Variants in CLASP1 observed in about 807,000 individuals in gnomAD.
CLASP1 encodes cytoplasmic linker associated protein 1.
Under a neutral mutation model 192.3 loss-of-function variants are expected in CLASP1, and 38 were observed. The ratio of observed to expected loss-of-function variants is 0.20; its 90% CI spans 0.15 to 0.26. The LOEUF (loss-of-function observed/expected upper bound fraction) is 0.26. Ranked by LOEUF, CLASP1 falls within the 10% of genes least tolerant of loss-of-function variation. The pLI is 1.00. For missense variants in CLASP1, 1,433 were observed against 1,932.5 expected, an observed-to-expected ratio of 0.74 and a Z score of 4.85; for synonymous variants, 691 against 712.8, an observed-to-expected ratio of 0.97 and a Z score of 0.49.
chr2:121,600,934 GCACGCAAAGT>G (rs1231906527), intron 2 of CLASP1, among the ~76,000 whole-genome samples: 1 of 152,172 alleles, frequency 6.6e-6, no homozygotes, highest in Non-Finnish European at 1.5e-5. Flanking sequence ...GCTGGGATGG[GCACGCAAAGT>G]CACTCTAGCA....
At chr2:121,401,401 GA>G in intron 28 of CLASP1, 107 bp downstream of exon 29, 1 of 785,440 alleles carries the variant, frequency 1.3e-6, no homozygotes, top group East Asian at 2.5e-5. Context: ...CTGAGTAAAA[GA>G]GATATTCAAG....
intron 2 of CLASP1, among the ~76,000 whole-genome samples, chr2:121,532,860 A>G (rs2094932492): frequency 6.6e-6 from 1 of 152,220 alleles, no homozygotes; most frequent in African/African-American, 2.4e-5. Context: ...AGATATTTGT[A>G]ATTTTTCTGT....
exon 3 of CLASP1, chr2:121,530,316 G>C (rs1332589999): frequency 1.3e-6 from 2 of 1,550,612 alleles, no homozygotes; most frequent in Non-Finnish European, 1.7e-6. Flanking sequence ...TCCATGCCCA[G>C]CAGAACCACC....
chr2:121,478,965 A>C (rs1575285864), intron 8 of CLASP1, among the ~76,000 whole-genome samples: 1 of 38,626 alleles, frequency 2.6e-5, no homozygotes, highest in Non-Finnish European at 5.0e-5. Context: ...CACACACACC[A>C]CACACACCAC....
At chr2:121,430,111 C>T (rs750384484) in exon 20 of CLASP1, 2 of 1,576,584 alleles carry the variant, frequency 1.3e-6, no homozygotes, top group Non-Finnish European at 1.7e-6. Context: ...ACTGCGGCCC[C>T]GGTTATCAGG....
In CLASP1 at chr2:121,451,196, C is replaced by T. The variant is rs536413947; in HGVS notation, c.1446-206G>A. ...CAATCCTGCCCCAACACCCTAGCGCCACTCCAACCTACCCACGCCTAAGGA... is the reference window on the plus strand; with the variant it reads ...CAATCCTGCCCCAACACCCTAGCGCTACTCCAACCTACCCACGCCTAAGGA... On this transcript the variant is annotated intron_variant, in intron 15 of 39. Transcript: ENST00000263710. Among the ~76,000 whole-genome samples, 3 of 152,340 alleles carry T rather than the reference C, an allele frequency of 2.0e-5. No individual in the cohort carries two copies. The East Asian group carries it at 5.8e-4, about 29-fold the overall frequency.
chr2:121,566,061 C>A (rs1388603048), intron 2 of CLASP1, among the ~76,000 whole-genome samples: 1 of 152,138 alleles, frequency 6.6e-6, no homozygotes, highest in African/African-American at 2.4e-5. Flanking sequence ...TATTAATGGA[C>A]CTCCAGCACC....
chr2:121,503,658 T>C (rs1317191010), intron 7 of CLASP1, among the ~76,000 whole-genome samples: 2 of 152,210 alleles, frequency 1.3e-5, no homozygotes, highest in African/African-American at 2.4e-5. Flanking sequence ...AATGCACTAA[T>C]AGTACGTTAC....
chr2:121,569,226 T>G (rs911732533), intron 2 of CLASP1, among the ~76,000 whole-genome samples: 4 of 152,172 alleles, frequency 2.6e-5, no homozygotes, highest in African/African-American at 9.7e-5. Context: ...GTAGAGACTA[T>G]TTTAGCTAGG....
intron 37 of CLASP1, among the ~76,000 whole-genome samples, chr2:121,349,432 A>G (rs2063950447): frequency 6.6e-6 from 1 of 152,144 alleles, no homozygotes; most frequent in Non-Finnish European, 1.5e-5. Context: ...GGTGATTTCT[A>G]GACACACTAA....
chr2:121,538,358 C>T (rs2095145727), intron 2 of CLASP1, among the ~76,000 whole-genome samples: 1 of 151,672 alleles, frequency 6.6e-6, no homozygotes, highest in Admixed American at 6.6e-5. Context: ...GTTGCAGTGA[C>T]CCAAGATTGC....
At chr2:121,618,813 T>C (rs1366431274) in intron 1 of CLASP1, among the ~76,000 whole-genome samples, 1 of 152,178 alleles carries the variant, frequency 6.6e-6, no homozygotes, top group Non-Finnish European at 1.5e-5. Context: ...TCGAAAAGCC[T>C]GTAAAATACC....
At chr2:121,470,633 C>T (rs914466905) in intron 8 of CLASP1, 10 of 450,626 alleles carry the variant, frequency 2.2e-5, no homozygotes, top group African/African-American at 4.0e-5. Flanking sequence ...TGCAATATTG[C>T]CAATACTTTC....
At chr2:121,345,291 G>A (rs991386048) in intron 39 of CLASP1, among the ~76,000 whole-genome samples, 1 of 152,206 alleles carries the variant, frequency 6.6e-6, no homozygotes, top group African/African-American at 2.4e-5. Flanking sequence ...AGGAATGTGG[G>A]TTCTGGACCC....
intron 2 of CLASP1, among the ~76,000 whole-genome samples, chr2:121,594,638 G>A (rs530311428): frequency 5.1e-4 from 78 of 152,128 alleles, no homozygotes; most frequent in Middle Eastern, 3.4e-3. Flanking sequence ...TGATCTGCCC[G>A]CCTTGGCCTC....
In CLASP1 at chr2:121,626,824, A is replaced by G. The variant is rs138959543; in HGVS notation, c.-285-20644T>C. 2.0e-3 allele frequency among the ~76,000 whole-genome samples: 311 copies of G among 152,340 alleles called. 1 individual carries two copies. Among genetic ancestry groups the G allele is most frequent in the African/African-American group, 7.2e-3 (298 of 41,576 alleles). ...CACCAACAATAGATACACATCTCTG[A>G]GTACTTTAGACACACGTATCATTTA... On this transcript the variant is annotated intron_variant, in intron 1 of 39. Transcript: ENST00000263710.
At chr2:121,498,810 G>C (rs955733421) in intron 8 of CLASP1, among the ~76,000 whole-genome samples, 1 of 152,132 alleles carries the variant, frequency 6.6e-6, no homozygotes, top group African/African-American at 2.4e-5. Context: ...ATAAGCACAT[G>C]AAAAAGATGT....
intron 13 of CLASP1, 143 bp downstream of exon 13, chr2:121,458,697 G>T: frequency 5.3e-6 from 3 of 568,406 alleles, no homozygotes; most frequent in Non-Finnish European, 8.4e-6. Context: ...GGGAAAAGAT[G>T]ATATATATAC....
chr2:121,396,334 A>G (rs1158014301), intron 30 of CLASP1, among the ~76,000 whole-genome samples: 2 of 152,344 alleles, frequency 1.3e-5, no homozygotes, highest in East Asian at 3.9e-4. Flanking sequence ...AATCCAAAAT[A>G]ACTGAAAACA....
Sources: allele counts gnomAD v4.1 joint callset (sites outside exome capture counted in the v4.1 genomes callset), GRCh38; gene constraint gnomAD v4.1.1; transcripts MANE v1.5; gene names NCBI Gene and HGNC (gene_info 2026-07-23, HGNC 2026-07-21).